Variants in IKZF2 observed in about 807,000 individuals in gnomAD.
The protein encoded by IKZF2 is zinc finger protein Helios.
A neutral mutation model predicts 49.2 loss-of-function variants in IKZF2; 15 were observed. That is an observed-to-expected ratio of 0.30 (90% CI 0.20 to 0.47). IKZF2 has a LOEUF of 0.47. Among genes scored for constraint, IKZF2 ranks in the 20% least tolerant of loss-of-function variants. IKZF2 has a pLI of 1.00. For missense variants in IKZF2, 567 were observed against 664.6 expected (o/e 0.85, Z 1.61); for synonymous variants, 227 against 221.4 (o/e 1.03, Z -0.23).
At chr2:213,146,759 C>CGGTGGG (rs1553604931) in intron 4 of IKZF2, among the ~76,000 whole-genome samples, 4 of 87,168 alleles carry the variant, frequency 4.6e-5, no homozygotes, top group Non-Finnish European at 1.0e-4. Context: ...ATTAAATCTT[C>CGGTGGG]GGGGGGGGGG....
chr2:213,100,125 T>A (rs919747178), intron 4 of IKZF2, among the ~76,000 whole-genome samples: 1 of 152,136 alleles, frequency 6.6e-6, no homozygotes, highest in African/African-American at 2.4e-5. Context: ...AAATGAAATA[T>A]CCTTCTGTGG....
chr2:213,086,973 A>T (rs1201332318), intron 4 of IKZF2, among the ~76,000 whole-genome samples: 2 of 152,114 alleles, frequency 1.3e-5, no homozygotes, highest in Admixed American at 1.3e-4. Context: ...CTCCATAAAG[A>T]TCTCCCTGTT....
intron 4 of IKZF2, among the ~76,000 whole-genome samples, chr2:213,142,757 T>G (rs1199701547): frequency 6.6e-6 from 1 of 151,942 alleles, no homozygotes. Flanking sequence ...CAGTTTTAAG[T>G]GTTATAAAAT....
At chr2:213,106,848 T>C (rs2059549965) in intron 4 of IKZF2, among the ~76,000 whole-genome samples, 1 of 152,120 alleles carries the variant, frequency 6.6e-6, no homozygotes, top group African/African-American at 2.4e-5. Flanking sequence ...TAACATGTGA[T>C]TAATATGTAA....
rs965397986 is a variant in IKZF2 at position 213,006,556 on chromosome 2, T to C, written c.*804A>G. The C allele has an allele frequency of 6.6e-6, 1 of 152,494 alleles. No homozygotes were observed. Among genetic ancestry groups the C allele is most frequent in the African/African-American group, 2.4e-5 (1 of 41,456 alleles). The allele number at this position is 152,494 out of a possible 1,614,324, so 9.4% of individuals were successfully genotyped here. A position where few individuals can be genotyped will look rare whatever the true frequency, so the allele number is the denominator to read the frequency against. ...ATTATTGACTGCCTTTTATCCACTC[T>C]TAGACCATATGTTATTCTGAAAACT... On this transcript the variant is annotated 3_prime_UTR_variant, in exon 9 of 9. Coordinates refer to ENST00000434687, the MANE Select transcript of IKZF2 (RefSeq NM_001387220.1).
intron 4 of IKZF2, among the ~76,000 whole-genome samples, chr2:213,065,542 C>T (rs1049691790): frequency 4.0e-5 from 6 of 151,888 alleles, no homozygotes; most frequent in Admixed American, 6.6e-5. Context: ...GTTTTAAACA[C>T]AAATCATCAA....
At chr2:213,124,242 G>A (rs1318448815) in intron 4 of IKZF2, among the ~76,000 whole-genome samples, 3 of 96,312 alleles carry the variant, frequency 3.1e-5, no homozygotes, top group Non-Finnish European at 5.9e-5. Context: ...ACATGCGCTC[G>A]CGCGCGCGCG....
chr2:213,042,481 G>C (rs1371145451), intron 6 of IKZF2, among the ~76,000 whole-genome samples: 1 of 152,140 alleles, frequency 6.6e-6, no homozygotes. Flanking sequence ...GTCACTAAGA[G>C]TCAGGTATGA....
At chr2:213,010,197 T>C (rs1352178684) in intron 8 of IKZF2, among the ~76,000 whole-genome samples, 1 of 152,072 alleles carries the variant, frequency 6.6e-6, no homozygotes, top group African/African-American at 2.4e-5. Flanking sequence ...AAGTTTAGTC[T>C]CAAATTCAGA....
chr2:213,139,239 A>G (rs13428258), intron 4 of IKZF2, among the ~76,000 whole-genome samples: 8,182 of 151,130 alleles, frequency 0.054, 733 homozygotes, highest in African/African-American at 0.19. Context: ...AGCCAAGGGG[A>G]AAAAAAAATG....
intron 4 of IKZF2, among the ~76,000 whole-genome samples, chr2:213,116,826 T>C (rs2059894175): frequency 6.6e-6 from 1 of 152,204 alleles, no homozygotes; most frequent in Non-Finnish European, 1.5e-5. Context: ...TTCCTTTTAC[T>C]TGTGCATGTT....
intron 4 of IKZF2, among the ~76,000 whole-genome samples, chr2:213,121,489 C>G (rs2060055721): frequency 6.6e-6 from 1 of 152,178 alleles, no homozygotes; most frequent in South Asian, 2.1e-4. Context: ...AATGTGGAAG[C>G]TGGAGTTCTG....
At chr2:213,069,521 G>T (rs1477618364) in intron 4 of IKZF2, among the ~76,000 whole-genome samples, 19 of 152,050 alleles carry the variant, frequency 1.2e-4, no homozygotes, top group Admixed American at 1.2e-3. Context: ...GGCAGCACAT[G>T]CTTACTAAAA....
chr2:213,150,489 C>T, intron 1 of IKZF2: 1 of 267,718 alleles, frequency 3.7e-6, no homozygotes, highest in Non-Finnish European at 7.5e-6. Flanking sequence ...TCCTCCTCCT[C>T]CTCCTCCTTC....
In IKZF2 at chr2:213,004,209, C is replaced by T. The variant is rs1243608017; in HGVS notation, c.*3151G>A. 6.6e-6 allele frequency: 1 copy of T among 151,712 alleles called. No individual in the cohort carries two copies. The highest frequency in any genetic ancestry group is 2.4e-5 in the African/African-American group (1 of 41,336). The allele number at this position is 151,712 out of a possible 1,614,324, so 9.4% of individuals were successfully genotyped here. The stretch of plus-strand genomic sequence containing the variant: ...CCCTATGATTCATACATACAATTGC[C>T]TGTATGTATGTAGGGGAGATACTTT... On this transcript the variant is annotated 3_prime_UTR_variant, in exon 9 of 9. Transcript: ENST00000434687.
chr2:213,016,226 G>A (rs1215850342), intron 7 of IKZF2, among the ~76,000 whole-genome samples: 4 of 152,224 alleles, frequency 2.6e-5, no homozygotes, highest in Middle Eastern at 3.4e-3. Context: ...TGAAATAGGT[G>A]TAATACCATC....
intron 4 of IKZF2, among the ~76,000 whole-genome samples, chr2:213,099,504 T>C (rs1325618827): frequency 6.6e-6 from 1 of 152,190 alleles, no homozygotes; most frequent in Non-Finnish European, 1.5e-5. Flanking sequence ...TGATGAAGCC[T>C]CATCTTACTC....
chr2:213,054,243 C>CA (rs890845849), intron 5 of IKZF2, among the ~76,000 whole-genome samples: 41 of 145,846 alleles, frequency 2.8e-4, no homozygotes, highest in African/African-American at 7.0e-4. Flanking sequence ...GACTCCAACT[C>CA]AAAAAAAAAA....
intron 6 of IKZF2, among the ~76,000 whole-genome samples, chr2:213,022,497 G>GTTT (rs5838364): frequency 6.6e-6 from 1 of 150,940 alleles, no homozygotes; most frequent in African/African-American, 2.4e-5. Context: ...AAGAGTTGTG[G>GTTT]TTTTTTTTTG....
Sources: gnomAD v4.1 joint callset for allele counts (sites outside exome capture counted in the v4.1 genomes callset) on GRCh38, gnomAD v4.1.1 for gene constraint, MANE v1.5 for transcripts, NCBI Gene and HGNC (gene_info 2026-07-23, HGNC 2026-07-21) for gene names.